ABI1: variants seen among roughly 807,000 people sequenced by gnomAD.
ABI1 encodes the protein Abelson interactor 1.
In ABI1, 14 loss-of-function variants were observed where a neutral mutation model predicts 54.6. The observed-to-expected ratio is 0.26, with a 90% CI of 0.17 to 0.40. ABI1 has a LOEUF of 0.40. ABI1 is among the 10% of genes least tolerant of loss of function. The pLI is 1.00. For synonymous variants in ABI1, 194 were observed against 209.3 expected, an observed-to-expected ratio of 0.93 and a Z score of 0.63; for missense variants, 443 against 598.3, an observed-to-expected ratio of 0.74 and a Z score of 2.71.
chr10:26,843,467 AAAAAAAAAAAAAAAAAAAATATATATAT>A (rs1231800932), intron 1 of ABI1, among the ~76,000 whole-genome samples: 36 of 82,268 alleles, frequency 4.4e-4, no homozygotes, highest in Middle Eastern at 5.7e-3. Flanking sequence ...AAAAAAAAAA[AAAAAAAAAAAAAAAAAAAATATATATAT>A]ATATATATAT....
chr10:26,750,553 G>A (rs1246034274), intron 10 of ABI1, among the ~76,000 whole-genome samples: 1 of 152,052 alleles, frequency 6.6e-6, no homozygotes, highest in Non-Finnish European at 1.5e-5. Flanking sequence ...CCAAAACTTG[G>A]GCAGGAAAGA....
chr10:26,780,670 G>A (rs995113829), intron 2 of ABI1, among the ~76,000 whole-genome samples: 1 of 151,986 alleles, frequency 6.6e-6, no homozygotes, highest in Non-Finnish European at 1.5e-5. Flanking sequence ...ATTAGGAGTG[G>A]GGCCAAGTTC....
intron 2 of ABI1, among the ~76,000 whole-genome samples, chr10:26,793,205 G>A (rs574840777): frequency 6.6e-6 from 1 of 152,338 alleles, no homozygotes; most frequent in African/African-American, 2.4e-5. Flanking sequence ...TATAAAAAGG[G>A]CAGAAGAAGA....
intron 2 of ABI1, among the ~76,000 whole-genome samples, chr10:26,815,214 C>G (rs1425086702): frequency 6.6e-6 from 1 of 151,718 alleles, no homozygotes; most frequent in African/African-American, 2.4e-5. Context: ...CCCCCAAAAG[C>G]CTGTTTTTAT....
chr10:26,810,419 GTTAC>G (rs1408843787), intron 2 of ABI1, among the ~76,000 whole-genome samples: 1 of 152,038 alleles, frequency 6.6e-6, no homozygotes, highest in African/African-American at 2.4e-5. Context: ...AAAAAAAAAT[GTTAC>G]TTACTATAAA....
At chr10:26,843,777 A>C (rs2049770713) in intron 1 of ABI1, among the ~76,000 whole-genome samples, 1 of 151,912 alleles carries the variant, frequency 6.6e-6, no homozygotes, top group Non-Finnish European at 1.5e-5. Context: ...AGTTGAAAAA[A>C]AAAATAGCTC....
chr10:26,849,628 A>T (rs1299072024), intron 1 of ABI1, among the ~76,000 whole-genome samples: 2 of 152,252 alleles, frequency 1.3e-5, no homozygotes, highest in Non-Finnish European at 2.9e-5. Flanking sequence ...ACATTTTCCT[A>T]AAAATGAATA....
At chr10:26,798,674 T>C (rs1478861877) in intron 2 of ABI1, among the ~76,000 whole-genome samples, 1 of 151,894 alleles carries the variant, frequency 6.6e-6, no homozygotes, top group African/African-American at 2.4e-5. Context: ...GCGCACACAC[T>C]GAGGTGGGGT....
chr10:26,779,418 C>T (rs1379935809), intron 2 of ABI1, among the ~76,000 whole-genome samples: 2 of 152,208 alleles, frequency 1.3e-5, no homozygotes, highest in African/African-American at 4.8e-5. Context: ...CCTTATCAAG[C>T]TGACAGTCAG....
At position 26,805,472 on chromosome 10, in the gene ABI1, G is replaced by A. The variant is rs75796464; in HGVS notation, c.285+17666C>T. 3.6e-3 allele frequency among the ~76,000 whole-genome samples: 542 copies of A among 151,260 alleles called. 5 individuals carry two copies. Among genetic ancestry groups the A allele is most frequent in the East Asian group, 0.03 (154 of 5,138 alleles). On this transcript the variant is annotated intron_variant, in intron 2 of 10. Coordinates refer to ENST00000376140, the MANE Select transcript of ABI1 (RefSeq NM_001012750.3). ...ATTCTAAGGTTAATGAGAACACTCCGTTGTCATATTTTAGGACACAACAAA... is the reference window on the plus strand; with the variant it reads ...ATTCTAAGGTTAATGAGAACACTCCATTGTCATATTTTAGGACACAACAAA...
At chr10:26,818,996 A>T (rs1026373520) in intron 2 of ABI1, among the ~76,000 whole-genome samples, 5 of 152,200 alleles carry the variant, frequency 3.3e-5, no homozygotes, top group African/African-American at 9.6e-5. Flanking sequence ...CCGTCTCAAT[A>T]AAAGAAAAAA....
At chr10:26,753,382 T>C (rs1051938007) in intron 9 of ABI1, among the ~76,000 whole-genome samples, 7 of 152,228 alleles carry the variant, frequency 4.6e-5, no homozygotes, top group Non-Finnish European at 8.8e-5. Flanking sequence ...TATCCTTAAT[T>C]TGGCTTAATG....
chr10:26,755,642 T>C lies in ABI1; in HGVS notation c.1084+13A>G. On this transcript the variant is annotated intron_variant, in intron 9 of 10. Transcript: ENST00000376140. ...GCCTCTACTCTTCCATAGCTCAGTT[T>C]TTCCAAACTTACTGTTTTCCTGCAC... 1 of 1,603,728 alleles carries C rather than the reference T, an allele frequency of 6.2e-7. No homozygotes were observed. The highest frequency in any genetic ancestry group is 1.3e-5 in the African/African-American group (1 of 74,782).
chr10:26,814,080 A>C (rs2047407052), intron 2 of ABI1, among the ~76,000 whole-genome samples: 1 of 152,198 alleles, frequency 6.6e-6, no homozygotes, highest in Non-Finnish European at 1.5e-5. Context: ...TATAAAACTA[A>C]ACAGTCTCCT....
chr10:26,746,671 G>C lies in ABI1; in HGVS notation c.*1899C>G. ...TTTAAATGTAATTAATAAACCACCT[G>C]AATCTGTCATTCTAGTCCTATAAAT... On this transcript the variant is annotated 3_prime_UTR_variant, in exon 11 of 11. Transcript: ENST00000376140. 1 of 575,960 alleles carries C rather than the reference G, an allele frequency of 1.7e-6. No homozygotes were observed. The highest frequency in any genetic ancestry group is 3.1e-6 in the Non-Finnish European group (1 of 323,468). 35.7% of individuals were successfully genotyped at this position (575,960 alleles called of 1,614,324 possible).
rs1564451073 is a variant in ABI1 at position 26,751,707 on chromosome 10, T to TGGG, written c.1158_1160dup (p.Pro391dup). The TGGG allele has an allele frequency of 6.2e-7, 1 of 1,613,146 alleles. No homozygotes were observed. The highest frequency in any genetic ancestry group is 2.2e-5 in the East Asian group (1 of 44,842). ...CTTCATAATCCACTGGTGGTGGTGG[T>TGGG]GGGGGAGGTGGAGAGTCATCAAACA... On this transcript the variant is annotated inframe_insertion, in exon 10 of 11. Coordinates refer to ENST00000376140, the MANE Select transcript of ABI1 (RefSeq NM_001012750.3).
At chr10:26,767,310 G>A (rs1254247200) in intron 6 of ABI1, among the ~76,000 whole-genome samples, 1 of 152,042 alleles carries the variant, frequency 6.6e-6, no homozygotes, top group Admixed American at 6.6e-5. Context: ...AATAAATACC[G>A]CTTACCTAGC....
intron 1 of ABI1, among the ~76,000 whole-genome samples, chr10:26,839,411 G>A (rs1338039523): frequency 6.6e-6 from 1 of 152,066 alleles, no homozygotes; most frequent in Non-Finnish European, 1.5e-5. Context: ...TGGGAGGACT[G>A]CTTGAGCCCA....
At position 26,810,709 on chromosome 10, in the gene ABI1, TCA is replaced by T. The variant is rs1450665906; in HGVS notation, c.285+12427_285+12428del. 2.0e-5 allele frequency among the ~76,000 whole-genome samples: 3 copies of T among 152,120 alleles called. No homozygotes were observed. The East Asian group carries it at 5.8e-4, about 29-fold the overall frequency. Reference sequence around the variant, plus strand: ...GGAAGGACTAGATGTGGCTCATGGATCACAGTTTACGGACCCCTGCACTAGAT... The same window carrying T: ...GGAAGGACTAGATGTGGCTCATGGATCAGTTTACGGACCCCTGCACTAGAT... On this transcript the variant is annotated intron_variant, in intron 2 of 10. Coordinates refer to ENST00000376140, the MANE Select transcript of ABI1 (RefSeq NM_001012750.3).
Sources: allele counts gnomAD v4.1 joint callset (sites outside exome capture counted in the v4.1 genomes callset), GRCh38; gene constraint gnomAD v4.1.1; transcripts MANE v1.5; gene names NCBI Gene and HGNC (gene_info 2026-07-23, HGNC 2026-07-21).